Variants in LAMC2 observed in about 807,000 individuals in gnomAD.
LAMC2 encodes laminin subunit gamma-2.
In LAMC2, 97 loss-of-function variants were observed where a neutral mutation model predicts 140.2. The observed-to-expected ratio is 0.69, with a 90% CI of 0.59 to 0.82. The LOEUF (loss-of-function observed/expected upper bound fraction) is 0.82, where lower values mean the gene tolerates loss of function less well. LAMC2 is among the 40% of genes least tolerant of loss of function. The pLI is 0.00. For synonymous variants in LAMC2, 513 were observed against 540.2 expected, an observed-to-expected ratio of 0.95 and a Z score of 0.70; for missense variants, 1,402 against 1,476.1, an observed-to-expected ratio of 0.95 and a Z score of 0.82.
At chr1:183,218,216 G>A (rs1659338335) in intron 3 of LAMC2, among the ~76,000 whole-genome samples, 174 bp from the exon 4 acceptor site, 2 of 152,228 alleles carry the variant, frequency 1.3e-5, no homozygotes, top group Admixed American at 6.5e-5. Flanking sequence ...GTGTAGGCAA[G>A]TGAGTCCTTA....
chr1:183,252,475 A>T, the LAMC2 span: 13 of 620,520 alleles, frequency 2.1e-5, no homozygotes, highest in Non-Finnish European at 3.5e-5. Flanking sequence ...TGACTGTGGA[A>T]TAGGGAATGC....
chr1:183,205,199 G>T (rs1287682190), intron 1 of LAMC2, among the ~76,000 whole-genome samples: 1 of 152,190 alleles, frequency 6.6e-6, no homozygotes, highest in Non-Finnish European at 1.5e-5. Context: ...TCCAGGGCAG[G>T]GAGGGCATTG....
At chr1:183,247,366 T>C (rs1660260843), downstream of LAMC2, among the ~76,000 whole-genome samples, 1 of 152,046 alleles carries the variant, frequency 6.6e-6, no homozygotes, top group Non-Finnish European at 1.5e-5. Context: ...GATTTCATCA[T>C]TATGTACTCT....
chr1:183,252,143 G>A, the LAMC2 span: 2 of 156,288 alleles, frequency 1.3e-5, no homozygotes, highest in Admixed American at 6.3e-5. Context: ...AGTGAACAAA[G>A]AAAAATAAAT....
At chr1:183,225,757 G>T in intron 8 of LAMC2, 37 bp downstream of exon 8, 1 of 1,405,260 alleles carries the variant, frequency 7.1e-7, no homozygotes, top group East Asian at 2.3e-5. Flanking sequence ...TTTCTTCTTA[G>T]GTGTTAGTTT....
chr1:183,258,625 G>A, the LAMC2 span, among the ~76,000 whole-genome samples: 1 of 152,150 alleles, frequency 6.6e-6, no homozygotes, highest in South Asian at 2.1e-4. Context: ...TTAGCCACAA[G>A]GTTAGAAATT....
rs114613296 is a variant in LAMC2, at chr1:183,198,772, G to T, written c.80-9109G>T. ...CCACACAGCCCTAGGCTCGCTGCCC[G>T]TTGAGGTGGCAGGCAGAAAGCATTG... is the stretch of plus-strand genomic sequence containing the variant. On this transcript the variant is annotated intron_variant, in intron 1 of 22. Coordinates refer to ENST00000264144, the MANE Select transcript of LAMC2 (RefSeq NM_005562.3). 3.4e-3 allele frequency among the ~76,000 whole-genome samples: 514 copies of T among 152,308 alleles called. 2 individuals are homozygous for T. The highest frequency in any genetic ancestry group is 0.012 in the African/African-American group (495 of 41,562).
chr1:183,219,028 C>G (rs1184471943), intron 4 of LAMC2, among the ~76,000 whole-genome samples: 1 of 152,222 alleles, frequency 6.6e-6, no homozygotes, highest in Non-Finnish European at 1.5e-5. Flanking sequence ...TGGGCCAAGC[C>G]ACACTGGAGG....
chr1:183,236,574 G>C lies in LAMC2; in HGVS notation c.2571G>C (p.Arg857=), dbSNP rs749187828. 6.2e-7 allele frequency: 1 copy of C among 1,614,122 alleles called. No homozygotes were observed. Among genetic ancestry groups the C allele is most frequent in the Non-Finnish European group, 8.5e-7 (1 of 1,180,000 alleles). ...TCCGCCTCCTGGATTCAGTGTCTCG[G>C]CTTCAGGGAGTCAGTGATCAGTCCT... ...HSLRLLDSVS[R]LQGVSDQSFQ... Residue 857 remains arginine (R), a synonymous_variant, in exon 17 of 23, where the codon CGG becomes CGC. Coordinates refer to ENST00000264144, the MANE Select transcript of LAMC2 (RefSeq NM_005562.3).
At chr1:183,194,824 C>G (rs748630038) in intron 1 of LAMC2, among the ~76,000 whole-genome samples, 2 of 152,188 alleles carry the variant, frequency 1.3e-5, no homozygotes, top group Non-Finnish European at 2.9e-5. Context: ...GTTAAATGTC[C>G]TTTCTATGCT....
At chr1:183,199,424 C>T (rs1429926191) in intron 1 of LAMC2, among the ~76,000 whole-genome samples, 1 of 150,542 alleles carries the variant, frequency 6.6e-6, no homozygotes, top group East Asian at 2.0e-4. Context: ...CTTCCTTTCT[C>T]CTTCCTTCCT....
intron 1 of LAMC2, among the ~76,000 whole-genome samples, chr1:183,198,140 CT>C (rs11338377): frequency 0.37 from 51,333 of 138,108 alleles, 9,481 homozygotes; most frequent in East Asian, 0.45. Flanking sequence ...TTTTTTCTTT[CT>C]TTTTTTTTTT....
At position 183,228,227 on chromosome 1, in the gene LAMC2, GC is replaced by G; in HGVS notation, c.1469-145del. ...AGAGAGGGCCAGCCCTGCCTTGCAT[GC>G]CTGCTCCTGAGGGCTTTGTTCTGGG... On this transcript the variant is annotated intron_variant, in intron 10 of 22. Coordinates refer to ENST00000264144, the MANE Select transcript of LAMC2 (RefSeq NM_005562.3). The surrounding 1 kb of genome is among the most constrained non-coding windows in gnomAD (Gnocchi z 4.3). 9.5e-7 allele frequency: 1 copy of G among 1,057,480 alleles called. No homozygotes were observed. The highest frequency in any genetic ancestry group is 1.6e-5 in the African/African-American group (1 of 64,234). 65.5% of individuals were successfully genotyped at this position (1,057,480 alleles called of 1,614,324 possible).
the LAMC2 span, among the ~76,000 whole-genome samples, chr1:183,253,911 G>A: frequency 3.3e-5 from 3 of 90,848 alleles, no homozygotes; most frequent in African/African-American, 1.6e-4. Flanking sequence ...TTCCGTGTGT[G>A]TGTGTGTGTG....
At position 183,243,233 on chromosome 1, in the gene LAMC2, C is replaced by T. The variant is rs757460809; in HGVS notation, c.3415C>T (p.Arg1139Trp). Residue 1139 changes from arginine (R) to tryptophan (W), a missense_variant, in exon 23 of 23, where the codon CGG becomes TGG. This residue lies in a region of LAMC2 where 670 missense variants were observed against 667.2 expected (regional missense o/e 1.00). Coordinates refer to ENST00000264144, the MANE Select transcript of LAMC2 (RefSeq NM_005562.3). ...RAKTQINSQLRPMMSELEERA... is the reference protein window; with the variant it reads ...RAKTQINSQLWPMMSELEERA... ...CAAGACCCAGATCAACAGCCAACTG[C>T]GGCCCATGATGTCAGAGCTGGAAGA... 40 of 1,613,990 alleles carry T rather than the reference C, an allele frequency of 2.5e-5. No homozygotes were observed. The highest frequency in any genetic ancestry group is 3.3e-5 in the Admixed American group (2 of 59,998).
chr1:183,225,283 G>C (rs559182738), intron 7 of LAMC2, among the ~76,000 whole-genome samples: 2 of 152,310 alleles, frequency 1.3e-5, no homozygotes, highest in South Asian at 4.1e-4. Context: ...ACGTGGAGAT[G>C]TTCCTAATAC....
At chr1:183,240,770 A>C (rs551754164) in intron 22 of LAMC2, 14 of 931,412 alleles carry the variant, frequency 1.5e-5, no homozygotes, top group Admixed American at 1.4e-4. Flanking sequence ...TGTATATTTC[A>C]GAAAGATCAC....
intron 16 of LAMC2, among the ~76,000 whole-genome samples, chr1:183,235,990 T>G (rs1659950242): frequency 6.6e-6 from 1 of 152,182 alleles, no homozygotes; most frequent in Non-Finnish European, 1.5e-5. Flanking sequence ...CCCTCTGGTG[T>G]TTGAAGGGTG....
intron 1 of LAMC2, among the ~76,000 whole-genome samples, chr1:183,190,361 G>A (rs985209537): frequency 1.7e-4 from 26 of 151,906 alleles, no homozygotes; most frequent in African/African-American, 5.3e-4. Context: ...CTCTCCTTTC[G>A]TCAGCCCAAG....
Sources: allele counts gnomAD v4.1 joint callset (sites outside exome capture counted in the v4.1 genomes callset), GRCh38; gene constraint gnomAD v4.1.1; regional missense constraint gnomAD v4.1.1; non-coding constraint Gnocchi (gnomAD v3.1); transcripts MANE v1.5; gene names NCBI Gene and HGNC (gene_info 2026-07-23, HGNC 2026-07-21).